SYN3: variants seen among roughly 807,000 people sequenced by gnomAD.
SYN3 encodes the protein synapsin III.
A neutral mutation model predicts 65.8 loss-of-function variants in SYN3; 35 were observed. The observed-to-expected ratio is 0.53, with a 90% confidence interval of 0.41 to 0.70. The LOEUF (loss-of-function observed/expected upper bound fraction) is 0.70. Among genes scored for constraint, SYN3 ranks in the 30% least tolerant of loss-of-function variants. SYN3 has a pLI of 0.00. For synonymous variants in SYN3, 270 were observed against 292.9 expected (o/e 0.92, Z 0.80); for missense variants, 680 against 749.0 (o/e 0.91, Z 1.08).
chr22:32,840,923 CCTGTATACGT>C (rs2047882263), intron 6 of SYN3, among the ~76,000 whole-genome samples: 2 of 152,164 alleles, frequency 1.3e-5, no homozygotes, highest in Non-Finnish European at 2.9e-5. Flanking sequence ...TCTCTCTATC[CCTGTATACGT>C]CTTCACAATA....
At chr22:32,925,207 C>G (rs549057093) in intron 4 of SYN3, among the ~76,000 whole-genome samples, 1 of 152,282 alleles carries the variant, frequency 6.6e-6, no homozygotes, top group South Asian at 2.1e-4. Flanking sequence ...AATGTATCTC[C>G]CCAGTCTCTG....
intron 6 of SYN3, among the ~76,000 whole-genome samples, chr22:32,637,618 T>TTTTTTC (rs1569112536): frequency 7.6e-5 from 11 of 144,450 alleles, no homozygotes; most frequent in African/African-American, 1.3e-4. Context: ...TAGGTTTTCT[T>TTTTTTC]TTTTTCTTTT....
Position 32,527,954 on chromosome 22 carries a change from G to A in SYN3, c.1282C>T (p.Gln428Ter). 6.3e-7 allele frequency: 1 copy of A among 1,591,670 alleles called. No homozygotes were observed. Among genetic ancestry groups the A allele is most frequent in the Non-Finnish European group, 8.6e-7 (1 of 1,167,882 alleles). ...KSPGQAQLGP[Q>*]LGQPQPRPPP... ...GGGCGTGGCTGGGGCTGGCCTAGCTGAGGCCCCAGCTGGGCTTGCCCTGGG... is the reference window on the plus strand; with the variant it reads ...GGGCGTGGCTGGGGCTGGCCTAGCTAAGGCCCCAGCTGGGCTTGCCCTGGG... The change falls in exon 12 of 14, where the codon CAG (glutamine) becomes TAG (stop). Residue 428 changes from glutamine (Q) to a stop codon, truncating the protein, a stop_gained. Coordinates refer to ENST00000358763, the MANE Select transcript of SYN3 (RefSeq NM_003490.4). LOFTEE classifies it high-confidence loss of function.
chr22:32,857,878 A>AAAAT, intron 6 of SYN3: 1 of 1,262,684 alleles, frequency 7.9e-7, no homozygotes. Flanking sequence ...GGTGTTGGGT[A>AAAAT]GGGTGAAATA....
intron 7 of SYN3, among the ~76,000 whole-genome samples, chr22:32,585,177 G>A (rs2059005275): frequency 6.6e-6 from 1 of 152,172 alleles, no homozygotes; most frequent in East Asian, 1.9e-4. Context: ...CGGGCACTTG[G>A]GAATTGTTAC....
chr22:32,657,200 T>C (rs2146980876), intron 6 of SYN3, among the ~76,000 whole-genome samples: 1 of 151,772 alleles, frequency 6.6e-6, no homozygotes, highest in East Asian at 2.0e-4. Context: ...CTTGGCTCAC[T>C]GCGAGCTCCA....
chr22:32,985,720 G>C (rs1455694816), intron 2 of SYN3, among the ~76,000 whole-genome samples: 1 of 152,100 alleles, frequency 6.6e-6, no homozygotes, highest in African/African-American at 2.4e-5. Flanking sequence ...CTGGGGGTCT[G>C]CTTCCCCTCC....
At chr22:32,775,362 G>T (rs1321133352) in intron 6 of SYN3, among the ~76,000 whole-genome samples, 1 of 152,082 alleles carries the variant, frequency 6.6e-6, no homozygotes, top group Non-Finnish European at 1.5e-5. Flanking sequence ...CATGAATTTT[G>T]GGGGGACATA....
chr22:32,935,491 C>A (rs965626594), intron 3 of SYN3, among the ~76,000 whole-genome samples: 1 of 139,414 alleles, frequency 7.2e-6, no homozygotes, highest in Non-Finnish European at 1.5e-5. Flanking sequence ...ACTCTTGTTG[C>A]GCAGGCTGGA....
At chr22:32,900,009 G>A (rs12170131) in intron 4 of SYN3, among the ~76,000 whole-genome samples, 12,809 of 13,318 alleles carry the variant, frequency 0.96, 6,294 homozygotes, top group East Asian at 1. Context: ...CGGAGCTTGC[G>A]GTGAGCCGAG....
chr22:33,030,580 CAGAGAG>C (rs368757775), intron 1 of SYN3, among the ~76,000 whole-genome samples: 5 of 147,530 alleles, frequency 3.4e-5, no homozygotes, highest in African/African-American at 1.2e-4. Flanking sequence ...GAGATAGAGA[CAGAGAG>C]AGAGAGAGAC....
intron 6 of SYN3, among the ~76,000 whole-genome samples, chr22:32,822,264 G>A (rs2047271514): frequency 6.6e-6 from 1 of 152,138 alleles, no homozygotes; most frequent in East Asian, 1.9e-4. Flanking sequence ...CTGTCTCTGG[G>A]TATGTTCACA....
chr22:32,686,946 C>G (rs1229935343), intron 6 of SYN3, among the ~76,000 whole-genome samples: 1 of 151,918 alleles, frequency 6.6e-6, no homozygotes, highest in Non-Finnish European at 1.5e-5. Flanking sequence ...CAGAGTCACA[C>G]AACTAAATAT....
intron 3 of SYN3, among the ~76,000 whole-genome samples, chr22:32,961,002 G>T (rs192642630): frequency 5.9e-4 from 90 of 152,268 alleles, no homozygotes; most frequent in African/African-American, 1.9e-3. Context: ...GGTACCCAAG[G>T]GGCTCCTTGC....
chr22:32,679,411 G>A (rs943641472), intron 6 of SYN3, among the ~76,000 whole-genome samples: 20 of 151,986 alleles, frequency 1.3e-4, no homozygotes, highest in Non-Finnish European at 2.8e-4. Context: ...CCATATTTTG[G>A]CTATTACGAA....
chr22:32,557,958 T>C (rs1248057869), intron 7 of SYN3, among the ~76,000 whole-genome samples: 2 of 152,238 alleles, frequency 1.3e-5, no homozygotes, highest in Non-Finnish European at 2.9e-5. Context: ...ATAGTTCTAC[T>C]GTGTTTTTCT....
chr22:32,763,146 T>C (rs1478510930), intron 6 of SYN3, among the ~76,000 whole-genome samples: 1 of 9,118 alleles, frequency 1.1e-4, no homozygotes, highest in Non-Finnish European at 2.0e-4. Context: ...CTATTTTTTG[T>C]TGTTGTTGTT....
intron 6 of SYN3, among the ~76,000 whole-genome samples, chr22:32,807,393 T>TA (rs1385303213): frequency 9.8e-6 from 1 of 101,690 alleles, no homozygotes; most frequent in Non-Finnish European, 1.9e-5. Flanking sequence ...ATATTATATA[T>TA]AATATATATA....
At chr22:32,565,446 C>T in intron 7 of SYN3, among the ~76,000 whole-genome samples, 1 of 151,408 alleles carries the variant, frequency 6.6e-6, no homozygotes, top group African/African-American at 2.4e-5. Flanking sequence ...TATACACACA[C>T]ATATACATAT....
Sources: allele counts gnomAD v4.1 joint callset (sites outside exome capture counted in the v4.1 genomes callset), GRCh38; gene constraint gnomAD v4.1.1; transcripts MANE v1.5; gene names NCBI Gene and HGNC (gene_info 2026-07-23, HGNC 2026-07-21).